The following IL1F10 variants were observed in gnomAD, a reference collection of about 807,000 sequenced individuals.
The protein encoded by IL1F10 is interleukin-1 family member 10.
Under a neutral mutation model 13.1 loss-of-function variants are expected in IL1F10, and 13 were observed. The observed-to-expected ratio is 0.99, with a 90% CI of 0.64 to 1.57. The LOEUF (loss-of-function observed/expected upper bound fraction) is 1.57, where lower values mean the gene tolerates loss of function less well. IL1F10 is among the 40% of genes most tolerant of loss of function. The pLI, the probability that IL1F10 is intolerant of heterozygous loss-of-function variation, is 0.00. For missense variants in IL1F10, 191 were observed against 184.1 expected (o/e 1.04, Z -0.22); for synonymous variants, 78 against 68.2 (o/e 1.14, Z -0.71).
At chr2:113,074,655 T>C (rs770257102) in intron 3 of IL1F10, 68 bp from the exon 4 acceptor site, 1 of 1,593,866 alleles carries the variant, frequency 6.3e-7, no homozygotes, top group Admixed American at 1.7e-5. Flanking sequence ...TGCCTGAGCC[T>C]TTACCTGCCA....
At chr2:113,074,072 C>T (rs1304850426) in intron 2 of IL1F10, among the ~76,000 whole-genome samples, 2 of 152,182 alleles carry the variant, frequency 1.3e-5, no homozygotes, top group Non-Finnish European at 1.5e-5. Flanking sequence ...CTCCGTTCTC[C>T]TCTGAAGGCC....
At position 113,074,812 on chromosome 2, in the gene IL1F10, T is replaced by A. The variant is rs1337537585; in HGVS notation, c.208T>A (p.Cys70Ser). The change falls in exon 4 of 5, where the codon TGT becomes AGT. Residue 70 changes from cysteine (C) to serine (S), a missense_variant. Transcript: ENST00000341010. ...CCAGGGAGGGAGCCGCTGCCTGGCA[T>A]GTGTGGAGACAGAAGAGGGGCCTTC... Reference protein sequence around the residue: ...GIQGGSRCLACVETEEGPSLQ... With the variant: ...GIQGGSRCLASVETEEGPSLQ... 6.2e-7 allele frequency: 1 copy of A among 1,613,170 alleles called. No homozygotes were observed. Among genetic ancestry groups the A allele is most frequent in the Admixed American group, 1.7e-5 (1 of 60,000 alleles).
At chr2:113,070,478 C>T (rs1685817211) in intron 1 of IL1F10, among the ~76,000 whole-genome samples, 1 of 152,184 alleles carries the variant, frequency 6.6e-6, no homozygotes, top group African/African-American at 2.4e-5. Context: ...GAGTCATCAG[C>T]TTGCTATCCA....
rs556293374 is a variant in IL1F10, at chr2:113,074,971, G to A, written c.246+121G>A. On this transcript the variant is annotated intron_variant, in intron 4 of 4. Coordinates refer to ENST00000341010, the MANE Select transcript of IL1F10 (RefSeq NM_173161.3). ...AGGTCCACATGTCCTACTTCCTCAG[G>A]TTTCCACCATCTCCCTCTGCACCTA... The A allele has an allele frequency of 1.8e-5, 24 of 1,338,912 alleles. No homozygotes were observed. In the African/African-American group the frequency reaches 3.0e-4, roughly 17 times the overall value. The allele number at this position is 1,338,912 out of a possible 1,614,324, so 82.9% of individuals were successfully genotyped here. A position where few individuals can be genotyped will look rare whatever the true frequency, so the allele number is the denominator to read the frequency against.
Position 113,074,736 on chromosome 2 carries a change from A to G in IL1F10, c.132A>G (p.Ile44Met). The change falls in exon 4 of 5, where the codon ATA becomes ATG. Residue 44 changes from isoleucine to methionine, a missense_variant. Transcript: ENST00000341010. ...ADNCCAEKICILPNRGLARTK... is the reference protein window; with the variant it reads ...ADNCCAEKICMLPNRGLARTK... ...CTTCCCTCCTAGAGAAGATCTGCATACTTCCTAACAGAGGCTTGGCCCGCA... is the reference window on the plus strand; with the variant it reads ...CTTCCCTCCTAGAGAAGATCTGCATGCTTCCTAACAGAGGCTTGGCCCGCA... 1 of 1,613,564 alleles carries G rather than the reference A, an allele frequency of 6.2e-7. No homozygotes were observed. The highest frequency in any genetic ancestry group is 8.5e-7 in the Non-Finnish European group (1 of 1,179,542).
At chr2:113,068,837 C>T (rs1488749153) in intron 1 of IL1F10, among the ~76,000 whole-genome samples, 1 of 152,028 alleles carries the variant, frequency 6.6e-6, no homozygotes, top group South Asian at 2.1e-4. Flanking sequence ...AGTAGAGTTA[C>T]AATAGTAAGG....
intron 1 of IL1F10, among the ~76,000 whole-genome samples, chr2:113,069,765 T>G (rs1003913640): frequency 1.3e-5 from 2 of 152,074 alleles, no homozygotes; most frequent in Non-Finnish European, 1.5e-5. Context: ...GAAATAGAAG[T>G]GCTTAGGACC....
intron 1 of IL1F10, among the ~76,000 whole-genome samples, chr2:113,068,992 C>T (rs1225273535): frequency 1.3e-5 from 2 of 152,142 alleles, no homozygotes; most frequent in Admixed American, 6.5e-5. Context: ...TATGTCTAAG[C>T]TGTAACTCTA....
At position 113,074,678 on chromosome 2, in the gene IL1F10, A is replaced by G. The variant is rs1022930831; in HGVS notation, c.119-45A>G. The G allele has an allele frequency of 4.3e-6, 7 of 1,611,320 alleles. No individual in the cohort carries two copies. The South Asian group carries it at 6.6e-5, about 15-fold the overall frequency. On this transcript the variant is annotated intron_variant, in intron 3 of 4. Transcript: ENST00000341010. The stretch of plus-strand genomic sequence containing the variant: ...CCTTTACCTGCCAAGAGCCTGCAAC[A>G]TGGGGTTCCCTTGTCCCTTGACTCT...
intron 4 of IL1F10, 143 bp downstream of exon 4, chr2:113,074,993 C>T: frequency 8.1e-7 from 1 of 1,238,662 alleles, no homozygotes. Flanking sequence ...TCCCTCTGCA[C>T]CTAGCACCAA....
chr2:113,074,290 T>C, intron 2 of IL1F10, 39 bp from the exon 3 acceptor site: 1 of 1,339,870 alleles, frequency 7.5e-7, no homozygotes, highest in Middle Eastern at 1.8e-4. Flanking sequence ...CAGTGGTGCA[T>C]AAAGGGAATG....
At chr2:113,070,268 G>A (rs1156701) in intron 1 of IL1F10, among the ~76,000 whole-genome samples, 15,171 of 152,150 alleles carry the variant, frequency 0.1, 772 homozygotes, top group Middle Eastern at 0.14. Context: ...TGGACCAGAC[G>A]CTAGCTTCCT....
intron 1 of IL1F10, among the ~76,000 whole-genome samples, chr2:113,069,221 T>C (rs2862854): frequency 0.77 from 117,430 of 151,848 alleles, 46,190 homozygotes; most frequent in East Asian, 0.93. Context: ...AGAAGTGAGA[T>C]GCTATCACAC....
chr2:113,073,555 G>A (rs1685877229), intron 2 of IL1F10, among the ~76,000 whole-genome samples: 2 of 152,212 alleles, frequency 1.3e-5, no homozygotes, highest in South Asian at 4.1e-4. Context: ...AATGCTGCTG[G>A]CATGTGAGTT....
rs1184675732 is a variant in IL1F10 at position 113,074,705 on chromosome 2, C to T, written c.119-18C>T. The T allele has an allele frequency of 6.8e-6, 11 of 1,612,970 alleles. No individual in the cohort carries two copies. Among genetic ancestry groups the T allele is most frequent in the Non-Finnish European group, 8.5e-6 (10 of 1,178,950 alleles). ...GGGGTTCCCTTGTCCCTTGACTCTT[C>T]TCTCTCTTCCCTCCTAGAGAAGATC... On this transcript the variant is annotated intron_variant, in intron 3 of 4. Transcript: ENST00000341010.
At chr2:113,069,216 T>C (rs1461794839) in intron 1 of IL1F10, among the ~76,000 whole-genome samples, 3 of 151,928 alleles carry the variant, frequency 2.0e-5, no homozygotes, top group African/African-American at 7.3e-5. Context: ...CATGGAGAAG[T>C]GAGATGCTAT....
At chr2:113,072,899 C>T in intron 2 of IL1F10, 129 bp downstream of exon 2, 2 of 734,786 alleles carry the variant, frequency 2.7e-6, no homozygotes, top group South Asian at 1.7e-5. Flanking sequence ...AATTAAGCTT[C>T]ATCATCACCA....
chr2:113,075,096 G>A (rs1685913386), intron 4 of IL1F10, 56 bp from the exon 5 acceptor site: 1 of 1,510,904 alleles, frequency 6.6e-7, no homozygotes, highest in Non-Finnish European at 9.0e-7. Context: ...GAGGCCTCCA[G>A]GGCTAACACC....
rs754855588 is a variant in IL1F10, at chr2:113,074,855, G to C, written c.246+5G>C. On this transcript the variant is annotated splice_donor_5th_base_variant and intron_variant, in intron 4 of 4. Transcript: ENST00000341010. ...GGGCCTTCCCTACAGCTGGAGGTGA[G>C]AGGCCTCTCCCCATTCTAGGGGACA... 8.1e-6 allele frequency: 13 copies of C among 1,611,328 alleles called. No homozygotes were observed. In the South Asian group the frequency reaches 1.4e-4, roughly 18 times the overall value.
Sources: gnomAD v4.1 joint callset for allele counts (sites outside exome capture counted in the v4.1 genomes callset) on GRCh38, gnomAD v4.1.1 for gene constraint, MANE v1.5 for transcripts, NCBI Gene and HGNC (gene_info 2026-07-23, HGNC 2026-07-21) for gene names.